MSI2: variants seen among roughly 807,000 people sequenced by gnomAD.
MSI2 encodes musashi RNA binding protein 2.
Under a neutral mutation model 45.6 loss-of-function variants are expected in MSI2, and 17 were observed. The ratio of observed to expected loss-of-function variants is 0.37; its 90% CI spans 0.26 to 0.56. MSI2 has a LOEUF of 0.56. Ranked by LOEUF, MSI2 falls within the 20% of genes least tolerant of loss-of-function variation. The pLI, the probability that MSI2 is intolerant of heterozygous loss-of-function variation, is 0.77. For synonymous variants in MSI2, 156 were observed against 158.2 expected, an observed-to-expected ratio of 0.99 and a Z score of 0.11; for missense variants, 293 against 444.2, an observed-to-expected ratio of 0.66 and a Z score of 3.06.
chr17:57,456,412 AGCCTGGCCAAGATGGTGAAACCCT>A (rs2036928741), intron 6 of MSI2, among the ~76,000 whole-genome samples: 1 of 152,226 alleles, frequency 6.6e-6, no homozygotes, highest in Non-Finnish European at 1.5e-5. Flanking sequence ...GTTCAAGACC[AGCCTGGCCAAGATGGTGAAACCCT>A]GTCTCTACTA....
chr17:57,311,311 G>A (rs1303467081), intron 5 of MSI2, among the ~76,000 whole-genome samples: 1 of 152,236 alleles, frequency 6.6e-6, no homozygotes, highest in Non-Finnish European at 1.5e-5. Context: ...ACAGCTCAAG[G>A]ATGGAGGTGC....
At chr17:57,579,207 G>A (rs2088133793) in intron 7 of MSI2, among the ~76,000 whole-genome samples, 1 of 152,186 alleles carries the variant, frequency 6.6e-6, no homozygotes, top group African/African-American at 2.4e-5. Context: ...GACAGCTGAG[G>A]TTCCTTAAGG....
At chr17:57,663,540 A>G (rs969607886) in intron 11 of MSI2, among the ~76,000 whole-genome samples, 2 of 152,148 alleles carry the variant, frequency 1.3e-5, no homozygotes, top group Non-Finnish European at 2.9e-5. Flanking sequence ...GCTCAGTGTG[A>G]CAGACATAGG....
chr17:57,395,142 C>T (rs1363353460), intron 5 of MSI2, among the ~76,000 whole-genome samples: 1 of 152,174 alleles, frequency 6.6e-6, no homozygotes, highest in Non-Finnish European at 1.5e-5. Flanking sequence ...ACATGGCCAC[C>T]TTCTTTCTGT....
Position 57,596,739 on chromosome 17 carries a change from A to T in MSI2, c.455-129A>T. On this transcript the variant is annotated intron_variant, in intron 7 of 13. Transcript: ENST00000284073. The surrounding 1 kb of genome is among the most constrained non-coding windows in gnomAD (Gnocchi z 4.6). ...TGCCTCCAACCTCAAGGTCCTCCCAAGGATCCGCCTACCTACCCCCAGACC... is the reference window on the plus strand; with the variant it reads ...TGCCTCCAACCTCAAGGTCCTCCCATGGATCCGCCTACCTACCCCCAGACC... 1.5e-6 allele frequency: 1 copy of T among 660,530 alleles called. No homozygotes were observed. The highest frequency in any genetic ancestry group is 1.7e-5 in the South Asian group (1 of 57,814). The allele number at this position is 660,530 out of a possible 1,614,324, so 40.9% of individuals were successfully genotyped here. A position where few individuals can be genotyped will look rare whatever the true frequency, so the allele number is the denominator to read the frequency against.
At chr17:57,487,028 G>A (rs905027113) in intron 6 of MSI2, among the ~76,000 whole-genome samples, 1 of 152,222 alleles carries the variant, frequency 6.6e-6, no homozygotes, top group Admixed American at 6.5e-5. Flanking sequence ...GAGGGGAAAA[G>A]CTGCCATCTG....
At chr17:57,338,741 G>A (rs898134951) in intron 5 of MSI2, among the ~76,000 whole-genome samples, 3 of 152,160 alleles carry the variant, frequency 2.0e-5, no homozygotes, top group African/African-American at 7.2e-5. Flanking sequence ...TTTTATTCAA[G>A]GCTGTGGTTT....
At chr17:57,382,694 C>A (rs1317956512) in intron 5 of MSI2, among the ~76,000 whole-genome samples, 1 of 152,186 alleles carries the variant, frequency 6.6e-6, no homozygotes, top group Non-Finnish European at 1.5e-5. Flanking sequence ...ACCCCCTCCA[C>A]CCACGAGGAC....
chr17:57,623,710 G>T (rs1377816897), intron 9 of MSI2, among the ~76,000 whole-genome samples: 3 of 152,168 alleles, frequency 2.0e-5, no homozygotes, highest in Non-Finnish European at 4.4e-5. Context: ...GGAAGTGGTG[G>T]CTGGGTCATC....
intron 11 of MSI2, among the ~76,000 whole-genome samples, chr17:57,667,167 G>A (rs1257899050): frequency 6.6e-6 from 1 of 152,200 alleles, no homozygotes; most frequent in African/African-American, 2.4e-5. Context: ...GTTCAATGCA[G>A]CATGGCATGG....
intron 10 of MSI2, chr17:57,632,028 T>A (rs1162349745): frequency 7.4e-7 from 1 of 1,358,374 alleles, no homozygotes; most frequent in Non-Finnish European, 9.4e-7. Flanking sequence ...TAAAAAAAAA[T>A]TATTCTCCAG....
chr17:57,370,941 T>G (rs2083411494), intron 5 of MSI2, among the ~76,000 whole-genome samples: 2 of 152,206 alleles, frequency 1.3e-5, no homozygotes, highest in South Asian at 4.1e-4. Flanking sequence ...GCATTTTATT[T>G]TTTCCAGAGT....
chr17:57,267,788 G>A (rs1416253140), intron 5 of MSI2: 2 of 152,046 alleles, frequency 1.3e-5, no homozygotes, highest in African/African-American at 4.8e-5. Flanking sequence ...ACACAGTCTC[G>A]ACGTCTTAGC....
chr17:57,263,895 G>T (rs2143203247), intron 5 of MSI2: 1 of 152,274 alleles, frequency 6.6e-6, no homozygotes, highest in East Asian at 1.9e-4. Flanking sequence ...ATGAATTCTA[G>T]GGATTTAATA....
intron 7 of MSI2, among the ~76,000 whole-genome samples, chr17:57,576,995 C>T (rs1317694192): frequency 6.6e-6 from 1 of 151,960 alleles, no homozygotes; most frequent in East Asian, 1.9e-4. Flanking sequence ...CCATTCCAGG[C>T]ATTTATTTTA....
Position 57,552,584 on chromosome 17 carries a change from G to T in MSI2, c.454+22860G>T, listed in dbSNP as rs1213667861. ...TTTTAATCCCTATTGCCCAGCAACG[G>T]CTTCCTTGGTTAGAGACAGTCTGGC... On this transcript the variant is annotated intron_variant, in intron 7 of 13. Transcript: ENST00000284073. The surrounding 1 kb of genome is among the most constrained non-coding windows in gnomAD (Gnocchi z 4.3). Among the ~76,000 whole-genome samples, 2 of 152,162 alleles carry T rather than the reference G, an allele frequency of 1.3e-5. No homozygotes were observed. Among genetic ancestry groups the T allele is most frequent in the Admixed American group, 1.3e-4 (2 of 15,280 alleles).
chr17:57,366,759 G>A (rs1917226582), intron 5 of MSI2, among the ~76,000 whole-genome samples: 1 of 152,190 alleles, frequency 6.6e-6, no homozygotes, highest in Non-Finnish European at 1.5e-5. Context: ...CTTTCTAATT[G>A]CCTTTTATTT....
chr17:57,455,264 C>T (rs2085090658), intron 6 of MSI2, among the ~76,000 whole-genome samples: 1 of 152,214 alleles, frequency 6.6e-6, no homozygotes, highest in African/African-American at 2.4e-5. Context: ...TGTGGTCAGC[C>T]TCTGAATAAT....
intron 5 of MSI2, among the ~76,000 whole-genome samples, chr17:57,388,348 G>A (rs560330564): frequency 7.9e-5 from 12 of 152,298 alleles, no homozygotes; most frequent in Middle Eastern, 6.8e-3. Flanking sequence ...TAAAATTTAT[G>A]ACTTAACAGA....
Sources: gnomAD v4.1 joint callset for allele counts (sites outside exome capture counted in the v4.1 genomes callset) on GRCh38, gnomAD v4.1.1 for gene constraint, Gnocchi (gnomAD v3.1) non-coding constraint, MANE v1.5 for transcripts, NCBI Gene and HGNC (gene_info 2026-07-23, HGNC 2026-07-21) for gene names.